CYB5R3: variants seen among roughly 807,000 people sequenced by gnomAD.
The protein encoded by CYB5R3 is NADH-cytochrome b5 reductase 3.
CYB5R3 carries 28 observed loss-of-function variants against 36.5 expected under a neutral mutation model. The observed-to-expected ratio is 0.77, with a 90% CI of 0.57 to 1.05. CYB5R3 has a LOEUF of 1.05. Ranked by LOEUF, CYB5R3 falls within the 50% of genes least tolerant of loss-of-function variation. The pLI is 0.00. For synonymous variants in CYB5R3, 181 were observed against 159.8 expected (o/e 1.13, Z -1.00); for missense variants, 474 against 408.9 (o/e 1.16, Z -1.37).
Position 42,631,372 on chromosome 22 carries a change from A to G in CYB5R3, c.226+6T>C, listed in dbSNP as rs1349651397. The G allele has an allele frequency of 5.2e-6, 8 of 1,551,192 alleles. No individual in the cohort carries two copies. The highest frequency in any genetic ancestry group is 3.9e-5 in the Admixed American group (2 of 50,974). On this transcript the variant is annotated splice_donor_region_variant and intron_variant, in intron 3 of 8. Coordinates refer to ENST00000352397, the MANE Select transcript of CYB5R3 (RefSeq NM_000398.7). Reference sequence around the variant, plus strand: ...TCCGAATGGGCCCAGCAGGGGCGTGACTCACCGACAGGGAGGCCCAGGATG... The same window carrying G: ...TCCGAATGGGCCCAGCAGGGGCGTGGCTCACCGACAGGGAGGCCCAGGATG...
At chr22:42,629,353 C>T (rs1051283771) in intron 4 of CYB5R3, among the ~76,000 whole-genome samples, 1 of 152,194 alleles carries the variant, frequency 6.6e-6, no homozygotes, top group Non-Finnish European at 1.5e-5. Context: ...TCCTTCTTCA[C>T]CTGGTCAGTG....
At chr22:42,621,761 G>A (rs1176061052) in intron 8 of CYB5R3, among the ~76,000 whole-genome samples, 1 of 152,254 alleles carries the variant, frequency 6.6e-6, no homozygotes, top group Admixed American at 6.5e-5. Flanking sequence ...CAGGGCAGGG[G>A]CTCCTGCACG....
intron 3 of CYB5R3, 130 bp from the exon 4 acceptor site, chr22:42,631,118 C>T: frequency 1.1e-6 from 1 of 889,168 alleles, no homozygotes; most frequent in Non-Finnish European, 1.8e-6. Flanking sequence ...CCACGGCCCC[C>T]TCCCACCCCT....
rs546569407 is a variant in CYB5R3, at chr22:42,625,503, C to G, written c.634-1615G>C. On this transcript the variant is annotated intron_variant, in intron 7 of 8. Coordinates refer to ENST00000352397, the MANE Select transcript of CYB5R3 (RefSeq NM_000398.7). Reference sequence around the variant, plus strand: ...CAGCCTGGGCAATAAGAGTGAAATTCCGTCTCAATTTTTTTAAAAAAAGTT... The same window carrying G: ...CAGCCTGGGCAATAAGAGTGAAATTGCGTCTCAATTTTTTTAAAAAAAGTT... Among the ~76,000 whole-genome samples the G allele has an allele frequency of 2.0e-5, 3 of 152,236 alleles. No homozygotes were observed. The South Asian group carries it at 6.2e-4, about 32-fold the overall frequency.
In CYB5R3 at chr22:42,636,801, GC is replaced by G. The variant is rs769628626; in HGVS notation, c.66del (p.Leu23SerfsTer2). On this transcript the variant is annotated frameshift_variant, in exon 2 of 9. Transcript: ENST00000352397. LOFTEE classifies it high-confidence loss of function. Reference protein sequence around the residue: ...VLFPVWFLYSLLMKLFQRSTP... With the variant: ...VLFPVWFLYSXLMKLFQRSTP... ...GTGGAGCGCTGGAACAGCTTCATGA[GC>G]AGACTGTACAGGAACCAGACTGGGA... 1.9e-6 allele frequency: 3 copies of G among 1,613,866 alleles called. No homozygotes were observed. In the East Asian group the frequency reaches 6.7e-5, roughly 36 times the overall value.
At chr22:42,641,175 C>A (rs1929253043) in intron 1 of CYB5R3, among the ~76,000 whole-genome samples, 1 of 151,722 alleles carries the variant, frequency 6.6e-6, no homozygotes, top group Non-Finnish European at 1.5e-5. Context: ...TTTAAAATAA[C>A]AGTTTTCTCT....
chr22:42,631,043 T>C, intron 3 of CYB5R3, 55 bp from the exon 4 acceptor site: 1 of 1,511,970 alleles, frequency 6.6e-7, no homozygotes, highest in Non-Finnish European at 9.1e-7. Context: ...GGGTGACCCC[T>C]GGGTCTTGTC....
rs917314659 is a variant in CYB5R3 at position 42,640,411 on chromosome 22, C to T, written c.22-3565G>A. 4.1e-5 allele frequency: 24 copies of T among 578,342 alleles called. No homozygotes were observed. The African/African-American group carries it at 4.2e-4, about 10-fold the overall frequency. 35.8% of individuals were successfully genotyped at this position (578,342 alleles called of 1,614,324 possible). ...TTTATTTATTTGAGATGGAGTCTCA[C>T]TCTATCACCCAGGCTGGAGTACAGT... On this transcript the variant is annotated intron_variant, in intron 1 of 8. Coordinates refer to ENST00000352397, the MANE Select transcript of CYB5R3 (RefSeq NM_000398.7).
In CYB5R3 at chr22:42,649,364, G is replaced by C. The variant is rs910790605; in HGVS notation, c.-49C>G. The C allele has an allele frequency of 2.0e-5, 15 of 739,124 alleles. No homozygotes were observed. The African/African-American group carries it at 2.7e-4, about 13-fold the overall frequency. 45.8% of individuals were successfully genotyped at this position (739,124 alleles called of 1,614,324 possible). ...CTGTCGCCGCCGCCGCCGCCGCCGAGACCGTCGCGCCCGGGCCCGCGTCAC... is the reference window on the plus strand; with the variant it reads ...CTGTCGCCGCCGCCGCCGCCGCCGACACCGTCGCGCCCGGGCCCGCGTCAC... On this transcript the variant is annotated 5_prime_UTR_variant, in exon 1 of 9. Transcript: ENST00000352397.
chr22:42,630,887 T>C lies in CYB5R3; in HGVS notation c.328A>G (p.Ile110Val). The change falls in exon 4 of 9, where the codon ATC becomes GTC. Residue 110 changes from isoleucine to valine, a missense_variant. Physicochemically the swap from Ile to Val is conservative, Grantham distance 29. Transcript: ENST00000352397. The stretch of plus-strand genomic sequence containing the variant: ...TCATGACCCAGAGGCTTCACCTTGA[T>C]GACCAGGTCCACGAAGCCCTTGTCA... Reference protein sequence around the residue: ...DDDKGFVDLVIKVYFKDTHPK... With the variant: ...DDDKGFVDLVVKVYFKDTHPK... 6.2e-7 allele frequency: 1 copy of C among 1,612,490 alleles called. No individual in the cohort carries two copies. The highest frequency in any genetic ancestry group is 8.5e-7 in the Non-Finnish European group (1 of 1,179,236).
chr22:42,630,780 C>A lies in CYB5R3; in HGVS notation c.333+102G>T, dbSNP rs1928567718. Reference sequence around the variant, plus strand: ...CAGCCATGACCGAGGCTGGGCTGCACAGGGCAGGAGCGGGAGACTTCCCTG... The same window carrying A: ...CAGCCATGACCGAGGCTGGGCTGCAAAGGGCAGGAGCGGGAGACTTCCCTG... On this transcript the variant is annotated intron_variant, in intron 4 of 8. Transcript: ENST00000352397. 3.0e-5 allele frequency: 31 copies of A among 1,022,182 alleles called. No homozygotes were observed. The South Asian group carries it at 4.1e-4, about 14-fold the overall frequency. The allele number at this position is 1,022,182 out of a possible 1,614,324, so 63.3% of individuals were successfully genotyped here. A position where few individuals can be genotyped will look rare whatever the true frequency, so the allele number is the denominator to read the frequency against.
In CYB5R3 at chr22:42,624,347, T is replaced by C. The variant is rs1601930329; in HGVS notation, c.634-459A>G. Among the ~76,000 whole-genome samples the C allele has an allele frequency of 2.0e-5, 3 of 152,294 alleles. No homozygotes were observed. The South Asian group carries it at 6.2e-4, about 32-fold the overall frequency. ...ACCCTCAGCCCTCCGGCAAGTCTTT[T>C]TGCGTTCTGGGATCTCATTCAGGTT... On this transcript the variant is annotated intron_variant, in intron 7 of 8. Coordinates refer to ENST00000352397, the MANE Select transcript of CYB5R3 (RefSeq NM_000398.7).
chr22:42,635,019 G>A (rs1458527865), intron 2 of CYB5R3, among the ~76,000 whole-genome samples: 2 of 150,344 alleles, frequency 1.3e-5, no homozygotes, highest in Non-Finnish European at 3.0e-5. Context: ...ACCCAGGCTG[G>A]AGTGCAGTGG....
intron 2 of CYB5R3, among the ~76,000 whole-genome samples, chr22:42,633,900 T>C (rs1383288658): frequency 6.6e-6 from 1 of 152,172 alleles, no homozygotes; most frequent in South Asian, 2.1e-4. Context: ...GCAGCCTGGG[T>C]GACAGAGCGA....
In CYB5R3 at chr22:42,635,656, G is replaced by A. The variant is rs549364421; in HGVS notation, c.153+1059C>T. On this transcript the variant is annotated intron_variant, in intron 2 of 8. Transcript: ENST00000352397. ...ACAGTTACAGGAAACGGCCAGCTCC[G>A]TGCCATGGAAGCCTGAGATTCCTGT... Among the ~76,000 whole-genome samples, 9 of 152,328 alleles carry A rather than the reference G, an allele frequency of 5.9e-5. No individual in the cohort carries two copies. In the South Asian group the frequency reaches 1.2e-3, roughly 21 times the overall value.
chr22:42,628,195 A>AATGGTG lies in CYB5R3; in HGVS notation c.414_419dup (p.Thr139_Ile140dup). 1 of 1,613,960 alleles carries AATGGTG rather than the reference A, an allele frequency of 6.2e-7. No individual in the cohort carries two copies. The highest frequency in any genetic ancestry group is 8.5e-7 in the Non-Finnish European group (1 of 1,179,946). On this transcript the variant is annotated inframe_insertion, in exon 5 of 9. Coordinates refer to ENST00000352397, the MANE Select transcript of CYB5R3 (RefSeq NM_000398.7). ...GCAGCCCACTGGGGCCCCGGAACTC[A>AATGGTG]ATGGTGTCTCCAATCTGCATGCTCT...
chr22:42,620,085 G>T, intron 8 of CYB5R3, 140 bp from the exon 9 acceptor site: 1 of 841,898 alleles, frequency 1.2e-6, no homozygotes, highest in Admixed American at 2.0e-5. Flanking sequence ...AGGACCCCCT[G>T]CCCCCAACCC....
Position 42,636,755 on chromosome 22 carries a change from C to T in CYB5R3, c.113G>A (p.Ser38Asn), listed in dbSNP as rs748365104. The change falls in exon 2 of 9, where the codon AGC (serine) becomes AAC (asparagine). Residue 38 changes from serine (S) to asparagine (N), a missense_variant. Coordinates refer to ENST00000352397, the MANE Select transcript of CYB5R3 (RefSeq NM_000398.7). ...QRSTPAITLESPDIKYPLRLI... is the reference protein window; with the variant it reads ...QRSTPAITLENPDIKYPLRLI... Reference sequence around the variant, plus strand: ...CCGCAGCGGGTACTTGATGTCCGGGCTCTCGAGGGTGATGGCTGGCGTGGA... The same window carrying T: ...CCGCAGCGGGTACTTGATGTCCGGGTTCTCGAGGGTGATGGCTGGCGTGGA... 4 of 1,613,648 alleles carry T rather than the reference C, an allele frequency of 2.5e-6. No individual in the cohort carries two copies. Among genetic ancestry groups the T allele is most frequent in the South Asian group, 2.2e-5 (2 of 91,068 alleles).
chr22:42,639,154 A>AC, intron 1 of CYB5R3: 1 of 336,624 alleles, frequency 3.0e-6, no homozygotes, highest in South Asian at 2.2e-5. Context: ...ACATGGTGAA[A>AC]CCCCGTCTCT....
Sources: gnomAD v4.1 joint callset for allele counts (sites outside exome capture counted in the v4.1 genomes callset) on GRCh38, gnomAD v4.1.1 for gene constraint, MANE v1.5 for transcripts, NCBI Gene and HGNC (gene_info 2026-07-23, HGNC 2026-07-21) for gene names.